The following SMYD3 variants were observed in gnomAD, a reference collection of about 807,000 sequenced individuals.
SMYD3 encodes histone-lysine N-methyltransferase SMYD3.
Under a neutral mutation model 57.7 loss-of-function variants are expected in SMYD3, and 36 were observed. The ratio of observed to expected loss-of-function variants is 0.62; its 90% CI spans 0.48 to 0.82. The LOEUF is 0.82. Among genes scored for constraint, SMYD3 ranks in the 40% least tolerant of loss-of-function variants. The pLI, the probability that SMYD3 is intolerant of heterozygous loss-of-function variation, is 0.00. For missense variants in SMYD3, 515 were observed against 538.8 expected, an observed-to-expected ratio of 0.96 and a Z score of 0.44; for synonymous variants, 211 against 195.0, an observed-to-expected ratio of 1.08 and a Z score of -0.68.
intron 5 of SMYD3, among the ~76,000 whole-genome samples, chr1:246,223,460 T>C (rs2063285427): frequency 6.6e-6 from 1 of 152,120 alleles, no homozygotes; most frequent in Non-Finnish European, 1.5e-5. Flanking sequence ...TTCAGACACC[T>C]TCCAATCTCC....
Position 245,768,052 on chromosome 1 carries a change from T to C in SMYD3, c.1077-3903A>G, listed in dbSNP as rs192550731. On this transcript the variant is annotated intron_variant, in intron 10 of 11. Coordinates refer to ENST00000490107, the MANE Select transcript of SMYD3 (RefSeq NM_001167740.2). ...CCAAGGGGGTGCAGTGGAGTCTGAGTTGACTCCATGATTCAGAAATAGAAA... is the reference window on the plus strand; with the variant it reads ...CCAAGGGGGTGCAGTGGAGTCTGAGCTGACTCCATGATTCAGAAATAGAAA... Among the ~76,000 whole-genome samples, 245 of 152,268 alleles carry C rather than the reference T, an allele frequency of 1.6e-3. 2 individuals are homozygous for C. Among genetic ancestry groups the C allele is most frequent in the African/African-American group, 5.5e-3 (230 of 41,558 alleles).
chr1:245,919,995 A>G (rs942502390), intron 7 of SMYD3, among the ~76,000 whole-genome samples: 1 of 152,170 alleles, frequency 6.6e-6, no homozygotes, highest in East Asian at 1.9e-4. Context: ...CCATCTTTTC[A>G]TTGTCTACAA....
intron 10 of SMYD3, among the ~76,000 whole-genome samples, chr1:245,798,476 A>G (rs995979779): frequency 3.7e-4 from 13 of 35,258 alleles, no homozygotes; most frequent in African/African-American, 2.3e-3. Flanking sequence ...ACACACATAC[A>G]CAACACACCA....
intron 5 of SMYD3, among the ~76,000 whole-genome samples, chr1:246,041,564 C>G (rs144329533): frequency 6.6e-6 from 1 of 152,212 alleles, no homozygotes; most frequent in East Asian, 1.9e-4. Context: ...TGCCAGGGCC[C>G]TACGTCGTAT....
intron 1 of SMYD3, among the ~76,000 whole-genome samples, chr1:246,474,369 A>C (rs1414775630): frequency 6.6e-6 from 1 of 152,112 alleles, no homozygotes; most frequent in African/African-American, 2.4e-5. Flanking sequence ...AATACAAAAA[A>C]TTAGCTGGGC....
At chr1:245,779,104 G>A (rs1276456102) in intron 10 of SMYD3, among the ~76,000 whole-genome samples, 1 of 151,194 alleles carries the variant, frequency 6.6e-6, no homozygotes, top group African/African-American at 2.4e-5. Context: ...AGGGTGCAAT[G>A]AGCCAAGATT....
chr1:246,089,808 CAT>C (rs1316565550), intron 5 of SMYD3, among the ~76,000 whole-genome samples: 1 of 151,956 alleles, frequency 6.6e-6, no homozygotes, highest in African/African-American at 2.4e-5. Flanking sequence ...CAGCCACTCA[CAT>C]GTTTTCTCGC....
At chr1:246,045,074 T>C (rs540421448) in intron 5 of SMYD3, among the ~76,000 whole-genome samples, 39 of 152,258 alleles carry the variant, frequency 2.6e-4, no homozygotes, top group African/African-American at 9.1e-4. Context: ...ATTTATACAT[T>C]CAATGCCATC....
At chr1:245,954,585 A>C (rs986450620) in intron 5 of SMYD3, among the ~76,000 whole-genome samples, 1 of 152,210 alleles carries the variant, frequency 6.6e-6, no homozygotes, top group African/African-American at 2.4e-5. Context: ...CTGAGGTGGA[A>C]GGCTCGCTTG....
chr1:246,403,026 G>T (rs542884145), intron 1 of SMYD3, among the ~76,000 whole-genome samples: 2 of 152,282 alleles, frequency 1.3e-5, no homozygotes, highest in South Asian at 4.1e-4. Context: ...TACCCGAACT[G>T]TCCATTAAGA....
chr1:246,476,227 C>T (rs971944915), intron 1 of SMYD3, among the ~76,000 whole-genome samples: 15 of 152,066 alleles, frequency 9.9e-5, no homozygotes, highest in African/African-American at 1.4e-4. Flanking sequence ...GCAAACGTAC[C>T]ATCATCGTCA....
At position 245,848,554 on chromosome 1, in the gene SMYD3, A is replaced by ACCCCC. The variant is rs1189925374; in HGVS notation, c.1076+9941_1076+9942insGGGGG. On this transcript the variant is annotated intron_variant, in intron 10 of 11. Coordinates refer to ENST00000490107, the MANE Select transcript of SMYD3 (RefSeq NM_001167740.2). The stretch of plus-strand genomic sequence containing the variant: ...CTCTCAAATAGCTGGGACTACAGGC[A>ACCCCC]CCAACCACCACCACGCCCATCTACT... 9.9e-5 allele frequency among the ~76,000 whole-genome samples: 15 copies of ACCCCC among 152,076 alleles called. 1 individual carries two copies. The East Asian group carries it at 1.7e-3, about 18-fold the overall frequency.
intron 8 of SMYD3, among the ~76,000 whole-genome samples, chr1:245,873,682 C>G (rs2052340840): frequency 6.6e-6 from 1 of 152,214 alleles, no homozygotes; most frequent in African/African-American, 2.4e-5. Flanking sequence ...AGAACAGATT[C>G]AAGTGAGGTT....
At chr1:246,444,391 T>A (rs1304726412) in intron 1 of SMYD3, among the ~76,000 whole-genome samples, 4 of 152,170 alleles carry the variant, frequency 2.6e-5, no homozygotes, top group Non-Finnish European at 2.9e-5. Context: ...CCCAAAGTGC[T>A]GGGATTACAG....
In SMYD3 at chr1:245,854,039, G is replaced by A. The variant is rs559230819; in HGVS notation, c.1076+4457C>T. On this transcript the variant is annotated intron_variant, in intron 10 of 11. Coordinates refer to ENST00000490107, the MANE Select transcript of SMYD3 (RefSeq NM_001167740.2). ...GTTCTTCTGCCTTTTTCCCAGGTAC[G>A]TCACAAAAGTGTCATTCCCACCAGC... Among the ~76,000 whole-genome samples the A allele has an allele frequency of 2.4e-4, 37 of 152,170 alleles. No homozygotes were observed. In the South Asian group the frequency reaches 6.2e-3, roughly 26 times the overall value.
At chr1:246,041,436 T>C (rs1048601760) in intron 5 of SMYD3, among the ~76,000 whole-genome samples, 1 of 152,218 alleles carries the variant, frequency 6.6e-6, no homozygotes, top group Non-Finnish European at 1.5e-5. Flanking sequence ...TGCTGAAACC[T>C]ACATAACAGC....
chr1:245,972,820 G>A (rs2148033792), intron 5 of SMYD3, among the ~76,000 whole-genome samples: 1 of 152,308 alleles, frequency 6.6e-6, no homozygotes, highest in African/African-American at 2.4e-5. Context: ...AGCATGGAGT[G>A]GAGTCACCCA....
In SMYD3 at chr1:246,486,742, A is replaced by G. The variant is rs1438439977; in HGVS notation, c.164+20312T>C. Among the ~76,000 whole-genome samples, 3 of 152,336 alleles carry G rather than the reference A, an allele frequency of 2.0e-5. No individual in the cohort carries two copies. The Middle Eastern group carries it at 0.01, about 518-fold the overall frequency. On this transcript the variant is annotated intron_variant, in intron 1 of 11. Coordinates refer to ENST00000490107, the MANE Select transcript of SMYD3 (RefSeq NM_001167740.2). ...TTTTCAGTATACCATGTAGACAAACAGATGAATAATACTAATTAAAAAGTG... is the reference window on the plus strand; with the variant it reads ...TTTTCAGTATACCATGTAGACAAACGGATGAATAATACTAATTAAAAAGTG...
intron 5 of SMYD3, among the ~76,000 whole-genome samples, chr1:246,209,470 T>C (rs902602071): frequency 6.6e-6 from 1 of 152,188 alleles, no homozygotes; most frequent in Non-Finnish European, 1.5e-5. Flanking sequence ...AGTTATCTAT[T>C]AGAAGACTGT....
Sources: allele counts gnomAD v4.1 joint callset (sites outside exome capture counted in the v4.1 genomes callset), GRCh38; gene constraint gnomAD v4.1.1; transcripts MANE v1.5; gene names NCBI Gene and HGNC (gene_info 2026-07-23, HGNC 2026-07-21).